Variants in SUV39H2 observed in about 807,000 individuals in gnomAD.
SUV39H2 encodes SUV39H2 histone lysine methyltransferase.
Under a neutral mutation model 47.5 loss-of-function variants are expected in SUV39H2, and 10 were observed. The observed-to-expected ratio is 0.21, with a 90% CI of 0.13 to 0.36. SUV39H2 has a LOEUF of 0.36. SUV39H2 is among the 10% of genes least tolerant of loss of function. SUV39H2 has a pLI of 1.00. For missense variants in SUV39H2, 266 were observed against 487.4 expected, an observed-to-expected ratio of 0.55 and a Z score of 4.28; for synonymous variants, 159 against 166.8, an observed-to-expected ratio of 0.95 and a Z score of 0.36.
chr10:14,887,821 CAG>C (rs1403636028), intron 2 of SUV39H2, among the ~76,000 whole-genome samples: 1 of 152,184 alleles, frequency 6.6e-6, no homozygotes, highest in Admixed American at 6.5e-5. Context: ...GTTGATGTGA[CAG>C]AAAGATCTCA....
In SUV39H2 at chr10:14,899,647, G is replaced by T; in HGVS notation, c.958G>T (p.Ala320Ser). ...GTCTGATGAATTCACAGTGGATGCG[G>T]CTCGATACGGCAATGTGTCTCATTT... ...YESDEFTVDAARYGNVSHFVN... is the reference protein window; with the variant it reads ...YESDEFTVDASRYGNVSHFVN... Residue 320 changes from alanine to serine, a missense_variant, in exon 4 of 6, where the codon GCT becomes TCT. By Grantham distance (99) the Ala-to-Ser change is moderately conservative. Around this residue, in one of 4 missense-constraint regions of SUV39H2, gnomAD observed 112 missense variants for 271.9 expected, o/e 0.41. Transcript: ENST00000354919. The T allele has an allele frequency of 6.2e-7, 1 of 1,614,020 alleles. No homozygotes were observed. Among genetic ancestry groups the T allele is most frequent in the Non-Finnish European group, 8.5e-7 (1 of 1,179,978 alleles).
At chr10:14,885,029 A>G (rs77260002) in intron 2 of SUV39H2, among the ~76,000 whole-genome samples, 18,003 of 152,062 alleles carry the variant, frequency 0.12, 2,317 homozygotes, top group African/African-American at 0.31. Flanking sequence ...TTTTCTTACT[A>G]TTCTTTATGA....
At chr10:14,885,379 T>A (rs1006366741) in intron 2 of SUV39H2, among the ~76,000 whole-genome samples, 1 of 152,232 alleles carries the variant, frequency 6.6e-6, no homozygotes, top group Admixed American at 6.5e-5. Context: ...ATTCTTCGTT[T>A]CTTTTTACTC....
intron 2 of SUV39H2, among the ~76,000 whole-genome samples, chr10:14,894,270 T>G (rs937306377): frequency 6.7e-6 from 1 of 149,682 alleles, no homozygotes; most frequent in Non-Finnish European, 1.5e-5. Context: ...TCCACAGAAT[T>G]ACAGTTTTTG....
chr10:14,893,988 A>C (rs1833478867), intron 2 of SUV39H2, among the ~76,000 whole-genome samples: 1 of 152,240 alleles, frequency 6.6e-6, no homozygotes, highest in Admixed American at 6.5e-5. Context: ...GTAGCCAAAA[A>C]AAAGAAAAAG....
intron 2 of SUV39H2, among the ~76,000 whole-genome samples, chr10:14,885,367 TA>T (rs1350310190): frequency 2.0e-5 from 3 of 152,252 alleles, no homozygotes; most frequent in Non-Finnish European, 4.4e-5. Context: ...CATATATCTT[TA>T]ATTCTTCGTT....
At chr10:14,893,530 A>C (rs1833464424) in intron 2 of SUV39H2, among the ~76,000 whole-genome samples, 1 of 152,248 alleles carries the variant, frequency 6.6e-6, no homozygotes, top group Admixed American at 6.5e-5. Context: ...TGATGTAATA[A>C]GCTTATGAAC....
chr10:14,888,260 T>G (rs1422080076), intron 2 of SUV39H2, among the ~76,000 whole-genome samples: 3 of 152,182 alleles, frequency 2.0e-5, no homozygotes, highest in African/African-American at 7.2e-5. Flanking sequence ...GGATTGAGGA[T>G]GAGCCCTGAG....
In SUV39H2 at chr10:14,902,531, G is replaced by C. The variant is rs375126181; in HGVS notation, c.*19G>C. 3 of 1,440,986 alleles carry C rather than the reference G, an allele frequency of 2.1e-6. No individual in the cohort carries two copies. Among genetic ancestry groups the C allele is most frequent in the Non-Finnish European group, 2.8e-6 (3 of 1,061,516 alleles). The allele number at this position is 1,440,986 out of a possible 1,614,324, so 89.3% of individuals were successfully genotyped here. A position where few individuals can be genotyped will look rare whatever the true frequency, so the allele number is the denominator to read the frequency against. On this transcript the variant is annotated 3_prime_UTR_variant, in exon 6 of 6. Transcript: ENST00000354919. ...CAACTGAACTTTTTCAGGAAATAGAGCTGATGATTATAATATTTTTTTCCT... is the reference window on the plus strand; with the variant it reads ...CAACTGAACTTTTTCAGGAAATAGACCTGATGATTATAATATTTTTTTCCT...
At chr10:14,889,490 A>G (rs1833319216) in intron 2 of SUV39H2, among the ~76,000 whole-genome samples, 1 of 152,236 alleles carries the variant, frequency 6.6e-6, no homozygotes, top group Non-Finnish European at 1.5e-5. Flanking sequence ...AGTGAGAACC[A>G]GCAGAGGGAG....
In SUV39H2 at chr10:14,878,932, C is replaced by A; in HGVS notation, c.31+13C>A. On this transcript the variant is annotated intron_variant, in intron 1 of 5. Coordinates refer to ENST00000354919, the MANE Select transcript of SUV39H2 (RefSeq NM_001193424.2). The stretch of plus-strand genomic sequence containing the variant: ...GAGGCGCGAGGAGGTGAGGCTGGAG[C>A]GCGGCCCCCTCGCCTTCCCTGTTCC... 6.8e-7 allele frequency: 1 copy of A among 1,464,068 alleles called. No homozygotes were observed. The highest frequency in any genetic ancestry group is 9.0e-7 in the Non-Finnish European group (1 of 1,105,220). The allele number at this position is 1,464,068 out of a possible 1,614,324, so 90.7% of individuals were successfully genotyped here.
intron 4 of SUV39H2, among the ~76,000 whole-genome samples, chr10:14,900,219 A>G (rs1270531317): frequency 1.3e-5 from 2 of 152,228 alleles, no homozygotes; most frequent in Admixed American, 1.3e-4. Context: ...CTTAGAATAC[A>G]GCTGGCACTT....
At chr10:14,885,760 TTC>T (rs1833188748) in intron 2 of SUV39H2, among the ~76,000 whole-genome samples, 1 of 152,184 alleles carries the variant, frequency 6.6e-6, no homozygotes, top group Non-Finnish European at 1.5e-5. Context: ...TTTCTTCTCT[TTC>T]TCTTTCTTTT....
At chr10:14,897,997 C>T (rs1462335985) in intron 3 of SUV39H2, 1 of 151,832 alleles carries the variant, frequency 6.6e-6, no homozygotes, top group Non-Finnish European at 1.5e-5. Context: ...TTATTGCATC[C>T]ATAATCTGTA....
At chr10:14,891,843 GGA>G (rs374267809) in intron 2 of SUV39H2, among the ~76,000 whole-genome samples, 13 of 152,296 alleles carry the variant, frequency 8.5e-5, no homozygotes, top group African/African-American at 2.9e-4. Context: ...GTTAAAACTT[GGA>G]GAGTCATCAG....
At chr10:14,899,796 A>C in intron 4 of SUV39H2, 111 bp downstream of exon 4, 1 of 1,303,972 alleles carries the variant, frequency 7.7e-7, no homozygotes, top group Non-Finnish European at 1.0e-6. Flanking sequence ...ACATTTCCAA[A>C]ATATGTATTT....
chr10:14,895,080 C>G (rs370479657), intron 2 of SUV39H2, among the ~76,000 whole-genome samples: 2 of 151,280 alleles, frequency 1.3e-5, no homozygotes, highest in Admixed American at 1.3e-4. Flanking sequence ...GGGCATGTGG[C>G]TATATATTAT....
intron 2 of SUV39H2, among the ~76,000 whole-genome samples, chr10:14,893,645 T>C (rs1472796039): frequency 1.3e-5 from 2 of 152,268 alleles, no homozygotes; most frequent in African/African-American, 2.4e-5. Context: ...AAATAAAATA[T>C]GCTTATAAAA....
At chr10:14,879,091 G>A in intron 1 of SUV39H2, 172 bp downstream of exon 1, 9 of 1,278,326 alleles carry the variant, frequency 7.0e-6, no homozygotes, top group Non-Finnish European at 8.9e-6. Context: ...CCAGGCCGCT[G>A]ACCCGCCTCC....
Sources: gnomAD v4.1 joint callset for allele counts (sites outside exome capture counted in the v4.1 genomes callset) on GRCh38, gnomAD v4.1.1 for gene constraint, gnomAD v4.1.1 regional missense constraint, MANE v1.5 for transcripts, NCBI Gene and HGNC (gene_info 2026-07-23, HGNC 2026-07-21) for gene names.